ITGA11: variants seen among roughly 807,000 people sequenced by gnomAD.
ITGA11 encodes integrin alpha-11.
In ITGA11, 97 loss-of-function variants were observed where a neutral mutation model predicts 141.9. That is an observed-to-expected ratio of 0.68 (90% CI 0.58 to 0.81). The LOEUF (loss-of-function observed/expected upper bound fraction) is 0.81, where lower values mean the gene tolerates loss of function less well. ITGA11 is among the 30% of genes least tolerant of loss of function. The probability of loss-of-function intolerance (pLI) is 0.00; values close to 1 mark genes in which losing one functional copy is unlikely to be tolerated. For synonymous variants in ITGA11, 658 were observed against 624.6 expected (o/e 1.05, Z -0.80); for missense variants, 1,387 against 1,559.2 (o/e 0.89, Z 1.86).
chr15:68,391,041 T>G (rs1452388222), intron 2 of ITGA11, among the ~76,000 whole-genome samples: 1 of 152,176 alleles, frequency 6.6e-6, no homozygotes, highest in African/African-American at 2.4e-5. Context: ...TAGGTCTGAA[T>G]CAAATTCTTG....
chr15:68,367,365 C>A (rs1166790867), intron 3 of ITGA11, among the ~76,000 whole-genome samples: 2 of 152,214 alleles, frequency 1.3e-5, no homozygotes, highest in Non-Finnish European at 2.9e-5. Flanking sequence ...TCTGTCCCAA[C>A]CACATGGCCT....
At chr15:68,365,691 CTTT>C in intron 3 of ITGA11, among the ~76,000 whole-genome samples, 1 of 140,992 alleles carries the variant, frequency 7.1e-6, no homozygotes, top group Admixed American at 7.3e-5. Flanking sequence ...AATTTCTTTT[CTTT>C]TCTCTTTTCT....
At chr15:68,306,229 G>C (rs529817770) in intron 28 of ITGA11, among the ~76,000 whole-genome samples, 1 of 149,842 alleles carries the variant, frequency 6.7e-6, no homozygotes, top group Non-Finnish European at 1.5e-5. Flanking sequence ...AGAGAGTATA[G>C]AGGAATTTTT....
intron 20 of ITGA11, among the ~76,000 whole-genome samples, chr15:68,319,366 C>T (rs1048427966): frequency 1.3e-5 from 2 of 152,336 alleles, no homozygotes; most frequent in South Asian, 2.1e-4. Flanking sequence ...CAGCGCTGGA[C>T]GCCGTGAGTA....
intron 1 of ITGA11, among the ~76,000 whole-genome samples, chr15:68,425,783 C>G (rs1177822864): frequency 6.6e-6 from 1 of 152,200 alleles, no homozygotes; most frequent in African/African-American, 2.4e-5. Flanking sequence ...CCTGAAAATC[C>G]GCAGGGTCAG....
At chr15:68,395,084 A>T (rs1045408735) in intron 2 of ITGA11, among the ~76,000 whole-genome samples, 1 of 152,168 alleles carries the variant, frequency 6.6e-6, no homozygotes, top group African/African-American at 2.4e-5. Context: ...CAGCTGAGGG[A>T]CCCAACTATT....
intron 10 of ITGA11, 135 bp from the exon 11 acceptor site, chr15:68,339,779 C>T (rs776870763): frequency 2.7e-4 from 249 of 938,782 alleles, no homozygotes; most frequent in Non-Finnish European, 3.7e-4. Context: ...TATTTAGCAA[C>T]CTAACTTCTG....
intron 2 of ITGA11, among the ~76,000 whole-genome samples, chr15:68,400,947 A>T (rs999381778): frequency 1.1e-5 from 1 of 94,274 alleles, no homozygotes; most frequent in East Asian, 2.5e-4. Flanking sequence ...TATAATAAAT[A>T]TTATAATATT....
chr15:68,401,874 T>G (rs1896520048), intron 2 of ITGA11, among the ~76,000 whole-genome samples: 1 of 152,164 alleles, frequency 6.6e-6, no homozygotes, highest in Admixed American at 6.5e-5. Context: ...AAGATATTTC[T>G]TTACAAAAAT....
intron 2 of ITGA11, among the ~76,000 whole-genome samples, chr15:68,402,268 G>A (rs1014978414): frequency 5.9e-5 from 9 of 152,144 alleles, no homozygotes; most frequent in Non-Finnish European, 7.4e-5. Context: ...TAAATGTGGC[G>A]AGAGATCTTA....
intron 26 of ITGA11, among the ~76,000 whole-genome samples, chr15:68,309,751 C>T (rs753021669): frequency 2.6e-5 from 4 of 151,978 alleles, no homozygotes; most frequent in Admixed American, 6.6e-5. Context: ...CCACCACACC[C>T]GGCTGATTTT....
intron 2 of ITGA11, among the ~76,000 whole-genome samples, chr15:68,395,367 TAAC>T (rs1896207332): frequency 6.6e-6 from 1 of 151,892 alleles, no homozygotes; most frequent in Non-Finnish European, 1.5e-5. Flanking sequence ...AGGTTGGCAA[TAAC>T]AAACTTCTCC....
At chr15:68,407,789 A>G (rs1323449112) in intron 1 of ITGA11, among the ~76,000 whole-genome samples, 2 of 152,242 alleles carry the variant, frequency 1.3e-5, no homozygotes, top group Non-Finnish European at 2.9e-5. Context: ...CACAGCATCA[A>G]GCCAGAGCAT....
intron 12 of ITGA11, among the ~76,000 whole-genome samples, chr15:68,332,999 T>C (rs1894225494): frequency 6.6e-6 from 1 of 152,246 alleles, no homozygotes. Context: ...AACATTTTTC[T>C]ATGATGTATT....
chr15:68,423,564 T>A (rs1274642860), intron 1 of ITGA11, among the ~76,000 whole-genome samples: 1 of 152,204 alleles, frequency 6.6e-6, no homozygotes, highest in African/African-American at 2.4e-5. Flanking sequence ...GGCTGGCCAT[T>A]CCTACCTGGT....
At chr15:68,370,317 G>A (rs1361487637) in intron 2 of ITGA11, among the ~76,000 whole-genome samples, 2 of 152,220 alleles carry the variant, frequency 1.3e-5, no homozygotes, top group Non-Finnish European at 2.9e-5. Flanking sequence ...CGGTGGCCGT[G>A]CCCTGGAGGA....
At chr15:68,373,700 A>C (rs1211891808) in intron 2 of ITGA11, among the ~76,000 whole-genome samples, 4 of 152,152 alleles carry the variant, frequency 2.6e-5, no homozygotes, top group African/African-American at 9.7e-5. Flanking sequence ...AATCAAGTGA[A>C]TCTCAAGACT....
At position 68,381,681 on chromosome 15, in the gene ITGA11, G is replaced by A. The variant is rs183780474; in HGVS notation, c.165-12397C>T. Among the ~76,000 whole-genome samples the A allele has an allele frequency of 8.2e-4, 124 of 152,034 alleles. 1 individual carries two copies. The highest frequency in any genetic ancestry group is 3.4e-3 in the Middle Eastern group (1 of 292). On this transcript the variant is annotated intron_variant, in intron 2 of 29. Coordinates refer to ENST00000315757, the MANE Select transcript of ITGA11 (RefSeq NM_001004439.2). ...AGCGATTCTCCTGCCTCAGCCTCCCGAGTAGCTGGGATTATAGGCGCTCAC... is the reference window on the plus strand; with the variant it reads ...AGCGATTCTCCTGCCTCAGCCTCCCAAGTAGCTGGGATTATAGGCGCTCAC...
chr15:68,380,285 A>C (rs116727131), intron 2 of ITGA11, among the ~76,000 whole-genome samples: 3,924 of 152,254 alleles, frequency 0.026, 187 homozygotes, highest in African/African-American at 0.087. Flanking sequence ...TGACATGTTC[A>C]TGGCTATCTC....
Sources: allele counts gnomAD v4.1 joint callset (sites outside exome capture counted in the v4.1 genomes callset), GRCh38; gene constraint gnomAD v4.1.1; transcripts MANE v1.5; gene names NCBI Gene and HGNC (gene_info 2026-07-23, HGNC 2026-07-21).